TACR1: variants seen among roughly 807,000 people sequenced by gnomAD.
The protein encoded by TACR1 is tachykinin receptor 1.
In TACR1, 25 loss-of-function variants were observed where a neutral mutation model predicts 35.8. The ratio of observed to expected loss-of-function variants is 0.70; its 90% CI spans 0.51 to 0.98. TACR1 has a LOEUF of 0.98. TACR1 is among the 50% of genes least tolerant of loss of function. TACR1 has a pLI of 0.00. For missense variants in TACR1, 478 were observed against 522.9 expected (o/e 0.91, Z 0.84); for synonymous variants, 195 against 206.7 (o/e 0.94, Z 0.48).
chr2:75,080,805 T>A (rs1379314566), intron 2 of TACR1, among the ~76,000 whole-genome samples: 1 of 152,188 alleles, frequency 6.6e-6, no homozygotes, highest in Non-Finnish European at 1.5e-5. Flanking sequence ...CAAATATTAT[T>A]GTTGTTGATG....
chr2:75,071,197 CCT>C (rs1343769425), intron 2 of TACR1, among the ~76,000 whole-genome samples: 1 of 152,054 alleles, frequency 6.6e-6, no homozygotes, highest in African/African-American at 2.4e-5. Flanking sequence ...TGTGTTGATC[CCT>C]GCTGTAAGGG....
chr2:75,100,624 G>T (rs1239194853), intron 2 of TACR1, among the ~76,000 whole-genome samples: 2 of 152,190 alleles, frequency 1.3e-5, no homozygotes, highest in African/African-American at 4.8e-5. Context: ...CCCTGCCCAA[G>T]TGTGCAGTAG....
At chr2:75,061,979 C>T (rs1034107170) in intron 2 of TACR1, among the ~76,000 whole-genome samples, 2 of 152,194 alleles carry the variant, frequency 1.3e-5, no homozygotes, top group Non-Finnish European at 2.9e-5. Flanking sequence ...AATGTTCCTT[C>T]TAGGCAGAGC....
intron 2 of TACR1, among the ~76,000 whole-genome samples, chr2:75,106,538 C>T (rs1673647779): frequency 6.6e-6 from 1 of 152,058 alleles, no homozygotes; most frequent in East Asian, 1.9e-4. Flanking sequence ...GTAGAACACA[C>T]AGGTTATAAA....
intron 1 of TACR1, among the ~76,000 whole-genome samples, chr2:75,165,712 C>T (rs1482831571): frequency 6.6e-6 from 1 of 152,128 alleles, no homozygotes; most frequent in Non-Finnish European, 1.5e-5. Context: ...ATATGGTGCG[C>T]CCAGGCTAAC....
chr2:75,077,611 T>A (rs1341207400), intron 2 of TACR1, among the ~76,000 whole-genome samples: 3 of 152,216 alleles, frequency 2.0e-5, no homozygotes. Context: ...CAGGTCAGTG[T>A]CTGCATTCAT....
chr2:75,198,509 G>T, intron 1 of TACR1, 37 bp downstream of exon 1: 1 of 1,600,374 alleles, frequency 6.2e-7, no homozygotes, highest in South Asian at 1.1e-5. Flanking sequence ...GGTCCTCTAT[G>T]AGCACTTTCT....
At chr2:75,153,338 C>T (rs977398300) in intron 1 of TACR1, among the ~76,000 whole-genome samples, 5 of 152,220 alleles carry the variant, frequency 3.3e-5, no homozygotes, top group Non-Finnish European at 7.3e-5. Context: ...TTTCTGAAGG[C>T]ATCCAAGCCT....
chr2:75,185,454 A>G (rs1260215326), intron 1 of TACR1, among the ~76,000 whole-genome samples: 1 of 152,116 alleles, frequency 6.6e-6, no homozygotes, highest in Non-Finnish European at 1.5e-5. Context: ...AAATTTTTAT[A>G]TCACATGACC....
intron 1 of TACR1, among the ~76,000 whole-genome samples, chr2:75,154,965 T>TAGAGGCAGAG (rs1303607885): frequency 6.6e-6 from 1 of 152,224 alleles, no homozygotes; most frequent in South Asian, 2.1e-4. Context: ...GTCTGTGCTC[T>TAGAGGCAGAG]GCCTCTCTCC....
At chr2:75,148,789 C>G (rs191611235) in intron 1 of TACR1, among the ~76,000 whole-genome samples, 1 of 152,298 alleles carries the variant, frequency 6.6e-6, no homozygotes, top group Admixed American at 6.5e-5. Context: ...ATCATGAAAT[C>G]TTTGCCCATG....
chr2:75,115,272 A>G (rs1673828844), intron 2 of TACR1, among the ~76,000 whole-genome samples: 1 of 152,190 alleles, frequency 6.6e-6, no homozygotes, highest in Non-Finnish European at 1.5e-5. Flanking sequence ...TGAGCATTTT[A>G]ACTATGAGAT....
intron 2 of TACR1, among the ~76,000 whole-genome samples, chr2:75,073,574 A>C (rs1180408936): frequency 6.6e-6 from 1 of 152,158 alleles, no homozygotes; most frequent in Non-Finnish European, 1.5e-5. Flanking sequence ...AAAGGAAGAG[A>C]AGGTGAAGGT....
At chr2:75,069,096 A>G (rs1672824996) in intron 2 of TACR1, among the ~76,000 whole-genome samples, 1 of 152,084 alleles carries the variant, frequency 6.6e-6, no homozygotes, top group South Asian at 2.1e-4. Flanking sequence ...TGATGGTTTT[A>G]TAAGAGGGGG....
intron 1 of TACR1, among the ~76,000 whole-genome samples, chr2:75,154,169 C>T (rs950414044): frequency 5.3e-5 from 8 of 152,052 alleles, no homozygotes; most frequent in East Asian, 1.9e-4. Context: ...GCCTTCCTCC[C>T]GGCTCCTGGC....
intron 2 of TACR1, among the ~76,000 whole-genome samples, chr2:75,094,286 A>G (rs1673367914): frequency 6.6e-6 from 1 of 152,218 alleles, no homozygotes. Context: ...TACTCTTTGA[A>G]TTAAAATAAA....
intron 1 of TACR1, chr2:75,188,537 G>A (rs918780370): frequency 6.6e-6 from 1 of 152,194 alleles, no homozygotes; most frequent in Admixed American, 6.5e-5. Flanking sequence ...TAGGGCACTG[G>A]GCTGAGCTGT....
intron 2 of TACR1, among the ~76,000 whole-genome samples, chr2:75,082,834 C>T (rs1005660557): frequency 7.2e-5 from 11 of 152,184 alleles, no homozygotes; most frequent in Non-Finnish European, 1.6e-4. Context: ...AGCCCTTTGT[C>T]AGATGAGTAG....
chr2:75,127,032 A>G (rs1674087274), intron 1 of TACR1, among the ~76,000 whole-genome samples: 1 of 152,230 alleles, frequency 6.6e-6, no homozygotes, highest in South Asian at 2.1e-4. Flanking sequence ...ACATTTATAT[A>G]CTATTGACAG....
Sources: gnomAD v4.1 joint callset for allele counts (sites outside exome capture counted in the v4.1 genomes callset) on GRCh38, gnomAD v4.1.1 for gene constraint, MANE v1.5 for transcripts, NCBI Gene and HGNC (gene_info 2026-07-23, HGNC 2026-07-21) for gene names.